The following SLC9C2 variants were observed in gnomAD, a reference collection of about 807,000 sequenced individuals.
The protein encoded by SLC9C2 is sodium/hydrogen exchanger 11.
A neutral mutation model predicts 140.2 loss-of-function variants in SLC9C2; 75 were observed. The observed-to-expected ratio is 0.53, with a 90% confidence interval of 0.44 to 0.65. The LOEUF (loss-of-function observed/expected upper bound fraction) is 0.65, where lower values mean the gene tolerates loss of function less well. Ranked by LOEUF, SLC9C2 falls within the 30% of genes least tolerant of loss-of-function variation. SLC9C2 has a pLI of 0.00. For missense variants in SLC9C2, 1,074 were observed against 1,331.8 expected (o/e 0.81, Z 3.01); for synonymous variants, 375 against 420.9 (o/e 0.89, Z 1.34).
At chr1:173,572,815 G>A (rs1664919136) in intron 9 of SLC9C2, among the ~76,000 whole-genome samples, 1 of 152,152 alleles carries the variant, frequency 6.6e-6, no homozygotes, top group African/African-American at 2.4e-5. Flanking sequence ...AAAATGTTAA[G>A]AGCAATTAAT....
chr1:173,547,141 T>C (rs1273254150), intron 13 of SLC9C2, among the ~76,000 whole-genome samples: 1 of 152,132 alleles, frequency 6.6e-6, no homozygotes, highest in Admixed American at 6.6e-5. Context: ...ATAAAATTTG[T>C]TCCATTTGAT....
chr1:173,600,368 G>T, intron 2 of SLC9C2, 151 bp from the exon 3 acceptor site: 1 of 299,570 alleles, frequency 3.3e-6, no homozygotes, highest in Non-Finnish European at 6.2e-6. Flanking sequence ...TGGTGCAAAA[G>T]TGATACACAT....
At chr1:173,519,012 G>A (rs1003322289) in intron 22 of SLC9C2, among the ~76,000 whole-genome samples, 2 of 152,068 alleles carry the variant, frequency 1.3e-5, no homozygotes, top group Non-Finnish European at 2.9e-5. Flanking sequence ...ACCTTAAAAA[G>A]ATGATTTTTG....
At chr1:173,569,938 C>T (rs1401907011) in intron 9 of SLC9C2, among the ~76,000 whole-genome samples, 2 of 152,182 alleles carry the variant, frequency 1.3e-5, no homozygotes, top group Non-Finnish European at 2.9e-5. Flanking sequence ...CTCCCTATGG[C>T]CACCACTACC....
chr1:173,541,003 C>T (rs570702853), intron 13 of SLC9C2, among the ~76,000 whole-genome samples: 1 of 152,206 alleles, frequency 6.6e-6, no homozygotes, highest in South Asian at 2.1e-4. Flanking sequence ...TCACATATAA[C>T]AATATTAACC....
At chr1:173,526,414 C>T (rs1440594839) in intron 19 of SLC9C2, among the ~76,000 whole-genome samples, 1 of 152,192 alleles carries the variant, frequency 6.6e-6, no homozygotes, top group South Asian at 2.1e-4. Flanking sequence ...TAACAACTAA[C>T]AGGACTCTGC....
intron 18 of SLC9C2, among the ~76,000 whole-genome samples, chr1:173,527,380 G>A (rs1055405937): frequency 2.4e-4 from 36 of 152,216 alleles, no homozygotes; most frequent in African/African-American, 7.7e-4. Context: ...TTCTCATAGC[G>A]CCTCATTTGG....
At chr1:173,581,799 T>A (rs780373154) in intron 7 of SLC9C2, 48 bp downstream of exon 7, 4 of 1,421,818 alleles carry the variant, frequency 2.8e-6, no homozygotes, top group Non-Finnish European at 3.7e-6. Context: ...TAAACATGTA[T>A]AAAACTTACT....
At chr1:173,517,745 GA>G (rs1359771782) in intron 22 of SLC9C2, 41 bp from the exon 23 acceptor site, 2 of 1,552,072 alleles carry the variant, frequency 1.3e-6, no homozygotes, top group Admixed American at 2.1e-5. Flanking sequence ...AAGAAAAAAT[GA>G]AAAACCCTTT....
chr1:173,598,092 A>G (rs1411992597), intron 3 of SLC9C2, 60 bp from the exon 4 acceptor site: 1 of 1,495,098 alleles, frequency 6.7e-7, no homozygotes, highest in Non-Finnish European at 9.0e-7. Context: ...ATTAGAAACT[A>G]GGTTGATGCT....
chr1:173,506,534 G>A (rs4916365), intron 25 of SLC9C2, among the ~76,000 whole-genome samples: 2 of 152,182 alleles, frequency 1.3e-5, no homozygotes, highest in South Asian at 2.1e-4. Flanking sequence ...GCTAGAACAC[G>A]GCATCGTTGC....
At chr1:173,523,927 T>C in intron 21 of SLC9C2, 42 bp downstream of exon 21, 1 of 1,580,072 alleles carries the variant, frequency 6.3e-7, no homozygotes, top group Non-Finnish European at 8.6e-7. Flanking sequence ...AAATGGATAA[T>C]TACCATCAAA....
rs78893415 is a variant in SLC9C2, at chr1:173,503,985, G to A, written c.3311-659C>T. The stretch of plus-strand genomic sequence containing the variant: ...GACCTGTGCCCTGCTCCCTGACAGT[G>A]CTTAAGATCTCTGACTCAATAGCCC... On this transcript the variant is annotated intron_variant, in intron 26 of 27. Coordinates refer to ENST00000367714, the MANE Select transcript of SLC9C2 (RefSeq NM_178527.4). 7.2e-5 allele frequency among the ~76,000 whole-genome samples: 11 copies of A among 152,334 alleles called. No individual in the cohort carries two copies. The East Asian group carries it at 2.1e-3, about 29-fold the overall frequency.
chr1:173,576,694 G>A lies in SLC9C2; in HGVS notation c.869C>T (p.Thr290Ile). ...TACAAGTTCGATCTTCGGTTTAAAA[G>A]TTAAAGAATCTAAATTCAGTCCTAC... ...AAVGLNLDSL[T>I]FKPKIELVIT... Residue 290 changes from threonine to isoleucine, a missense_variant, in exon 8 of 28, where the codon ACT becomes ATT. By Grantham distance (89) the Thr-to-Ile change is moderately conservative. Coordinates refer to ENST00000367714, the MANE Select transcript of SLC9C2 (RefSeq NM_178527.4). 6.2e-7 allele frequency: 1 copy of A among 1,611,254 alleles called. No individual in the cohort carries two copies. Among genetic ancestry groups the A allele is most frequent in the Non-Finnish European group, 8.5e-7 (1 of 1,179,336 alleles).
At chr1:173,509,796 A>G in intron 23 of SLC9C2, 97 bp from the exon 24 acceptor site, 1 of 1,226,732 alleles carries the variant, frequency 8.2e-7, no homozygotes, top group Non-Finnish European at 1.1e-6. Flanking sequence ...CCTTCAGAAA[A>G]ACTATCAATT....
intron 9 of SLC9C2, chr1:173,571,390 G>C (rs1008531931): frequency 1.3e-5 from 2 of 152,090 alleles, no homozygotes; most frequent in African/African-American, 4.8e-5. Flanking sequence ...GCACATACCA[G>C]GCTGGCCCTT....
At chr1:173,503,478 G>A in intron 26 of SLC9C2, 152 bp from the exon 27 acceptor site, 3 of 699,910 alleles carry the variant, frequency 4.3e-6, no homozygotes, top group Non-Finnish European at 7.1e-6. Flanking sequence ...TCTTCCCTCA[G>A]AGGTTCGTAG....
intron 4 of SLC9C2, among the ~76,000 whole-genome samples, chr1:173,594,639 G>A (rs1666346897): frequency 6.6e-6 from 1 of 151,968 alleles, no homozygotes. Context: ...CTAATTTCAG[G>A]GATGGTAGTA....
intron 13 of SLC9C2, among the ~76,000 whole-genome samples, chr1:173,545,235 C>G (rs1446023217): frequency 6.6e-6 from 1 of 152,132 alleles, no homozygotes; most frequent in Non-Finnish European, 1.5e-5. Flanking sequence ...GCGGACTAAA[C>G]CAGAGTCATG....
Sources: gnomAD v4.1 joint callset for allele counts (sites outside exome capture counted in the v4.1 genomes callset) on GRCh38, gnomAD v4.1.1 for gene constraint, MANE v1.5 for transcripts, NCBI Gene and HGNC (gene_info 2026-07-23, HGNC 2026-07-21) for gene names.